ALMS1: variants seen among roughly 807,000 people sequenced by gnomAD.
ALMS1 encodes centrosome-associated protein ALMS1.
A neutral mutation model predicts 352.2 loss-of-function variants in ALMS1; 271 were observed. The ratio of observed to expected loss-of-function variants is 0.77; its 90% CI spans 0.70 to 0.85. ALMS1 has a LOEUF of 0.85. Ranked by LOEUF, ALMS1 falls within the 40% of genes least tolerant of loss-of-function variation. The pLI is 0.00. For synonymous variants in ALMS1, 1,865 were observed against 1,761.2 expected, an observed-to-expected ratio of 1.06 and a Z score of -1.48; for missense variants, 5,445 against 4,870.7, an observed-to-expected ratio of 1.12 and a Z score of -3.51.
intron 6 of ALMS1, among the ~76,000 whole-genome samples, chr2:73,429,504 A>G (rs1221156954): frequency 6.6e-6 from 1 of 152,078 alleles, no homozygotes; most frequent in African/African-American, 2.4e-5. Context: ...GCTAGTCTCG[A>G]ATTCCTGACC....
chr2:73,581,198 T>G (rs919304889), intron 16 of ALMS1, among the ~76,000 whole-genome samples: 1 of 152,236 alleles, frequency 6.6e-6, no homozygotes, highest in Admixed American at 6.5e-5. Context: ...CCTTGAACTG[T>G]TAATTTTTGC....
intron 10 of ALMS1, among the ~76,000 whole-genome samples, chr2:73,514,720 A>C (rs191607981): frequency 5.3e-5 from 8 of 152,268 alleles, no homozygotes; most frequent in Admixed American, 5.2e-4. Context: ...CAGCCTAAAA[A>C]ATTTCCTTTA....
intron 1 of ALMS1, 143 bp from the exon 2 acceptor site, chr2:73,408,479 G>A (rs921534825): frequency 1.0e-6 from 1 of 955,586 alleles, no homozygotes; most frequent in African/African-American, 1.6e-5. Flanking sequence ...ATAATAGCTT[G>A]TATAATGGTT....
chr2:73,408,899 G>A, intron 2 of ALMS1, 152 bp downstream of exon 2: 1 of 707,702 alleles, frequency 1.4e-6, no homozygotes, highest in Non-Finnish European at 2.0e-6. Context: ...TTAAGACAGG[G>A]TCTCACTCTG....
chr2:73,485,414 A>C (rs1038850478), intron 9 of ALMS1, among the ~76,000 whole-genome samples: 1 of 152,208 alleles, frequency 6.6e-6, no homozygotes, highest in Non-Finnish European at 1.5e-5. Context: ...GACCCACTTG[A>C]GGAGGCAGTC....
chr2:73,559,353 T>A (rs891261341), intron 15 of ALMS1, among the ~76,000 whole-genome samples: 1 of 152,034 alleles, frequency 6.6e-6, no homozygotes, highest in Non-Finnish European at 1.5e-5. Context: ...AATTGTTACT[T>A]TTTGGAAAAG....
Position 73,490,507 on chromosome 2 carries a change from C to G in ALMS1, c.8548C>G (p.Pro2850Ala). The stretch of plus-strand genomic sequence containing the variant: ...CCATACCCTTATTAGCATGGGCAGA[C>G]CAAGTTCCACCCTAGGAGTAAACAG... ...DNHTLISMGRPSSTLGVNRSS... is the reference protein window; with the variant it reads ...DNHTLISMGRASSTLGVNRSS... The change falls in exon 10 of 23, where the codon CCA (proline) becomes GCA (alanine). Residue 2850 changes from proline to alanine, a missense_variant. Coordinates refer to ENST00000613296, the MANE Select transcript of ALMS1 (RefSeq NM_001378454.1). 6 of 1,614,140 alleles carry G rather than the reference C, an allele frequency of 3.7e-6. No homozygotes were observed. Among genetic ancestry groups the G allele is most frequent in the Non-Finnish European group, 5.1e-6 (6 of 1,180,018 alleles).
chr2:73,457,759 G>A (rs1029593093), intron 9 of ALMS1, among the ~76,000 whole-genome samples: 27 of 151,810 alleles, frequency 1.8e-4, no homozygotes, highest in African/African-American at 3.9e-4. Flanking sequence ...TTGGCTGGGC[G>A]CGGTGGCTCA....
At chr2:73,396,303 TAC>T (rs757567739) in intron 1 of ALMS1, among the ~76,000 whole-genome samples, 10,690 of 143,450 alleles carry the variant, frequency 0.075, 597 homozygotes, top group African/African-American at 0.16. Context: ...GTCATAGAAA[TAC>T]ACACACACAC....
intron 10 of ALMS1, among the ~76,000 whole-genome samples, chr2:73,492,988 T>G (rs1037965827): frequency 1.3e-5 from 2 of 151,682 alleles, no homozygotes; most frequent in African/African-American, 4.8e-5. Flanking sequence ...AAAAAAAGTT[T>G]AGAAATTAAA....
intron 1 of ALMS1, among the ~76,000 whole-genome samples, chr2:73,406,093 A>G (rs1046082287): frequency 9.8e-5 from 15 of 152,288 alleles, no homozygotes; most frequent in African/African-American, 3.6e-4. Context: ...CATTCTATCC[A>G]TCATGGAAAG....
At chr2:73,517,654 A>C (rs932257880) in intron 10 of ALMS1, among the ~76,000 whole-genome samples, 2 of 149,846 alleles carry the variant, frequency 1.3e-5, no homozygotes, top group African/African-American at 2.5e-5. Context: ...TTTTCATTTT[A>C]TTTTTATTTT....
chr2:73,387,463 A>G lies in ALMS1; in HGVS notation c.324+1271A>G, dbSNP rs577990542. ...TCTTGAGGAGGTTATGATAGAGCTGATATCTGAAGACAGTTTAAGGTTAAT... is the reference window on the plus strand; with the variant it reads ...TCTTGAGGAGGTTATGATAGAGCTGGTATCTGAAGACAGTTTAAGGTTAAT... On this transcript the variant is annotated intron_variant, in intron 1 of 22. Coordinates refer to ENST00000613296, the MANE Select transcript of ALMS1 (RefSeq NM_001378454.1). 2.0e-5 allele frequency among the ~76,000 whole-genome samples: 3 copies of G among 152,338 alleles called. No individual in the cohort carries two copies. In the East Asian group the frequency reaches 5.8e-4, roughly 29 times the overall value.
At chr2:73,549,794 TTGAC>T (rs1255155394) in intron 12 of ALMS1, among the ~76,000 whole-genome samples, 1 of 152,196 alleles carries the variant, frequency 6.6e-6, no homozygotes, top group Non-Finnish European at 1.5e-5. Context: ...CAACTTCAGT[TTGAC>T]TGACGTTTCC....
At position 73,471,406 on chromosome 2, in the gene ALMS1, A is replaced by G. The variant is rs10165747; in HGVS notation, c.7674+16111A>G. On this transcript the variant is annotated intron_variant, in intron 9 of 22. Coordinates refer to ENST00000613296, the MANE Select transcript of ALMS1 (RefSeq NM_001378454.1). ...AGTTAAGAGACTGAACTGGTAATCT[A>G]TGGAATAGGAGAAAATATTTGCAAA... Among the ~76,000 whole-genome samples, 418 of 150,304 alleles carry G rather than the reference A, an allele frequency of 2.8e-3. 3 individuals carry two copies. Among genetic ancestry groups the G allele is most frequent in the African/African-American group, 9.6e-3 (393 of 41,136 alleles).
chr2:73,542,175 G>C (rs561113028), intron 12 of ALMS1, among the ~76,000 whole-genome samples: 4 of 152,232 alleles, frequency 2.6e-5, no homozygotes, highest in Admixed American at 6.5e-5. Flanking sequence ...TCACCATGAT[G>C]AAGTGGGCTT....
chr2:73,396,332 A>ACACACACACACG (rs1670760752), intron 1 of ALMS1, among the ~76,000 whole-genome samples: 1 of 152,034 alleles, frequency 6.6e-6, no homozygotes, highest in Admixed American at 6.6e-5. Context: ...ACACACACAC[A>ACACACACACACG]CACACACGCT....
At chr2:73,443,981 T>C (rs1671763596) in intron 7 of ALMS1, among the ~76,000 whole-genome samples, 2 of 152,204 alleles carry the variant, frequency 1.3e-5, no homozygotes, top group South Asian at 4.1e-4. Context: ...TTGGTGGGTA[T>C]TGGGGTTTAT....
intron 1 of ALMS1, among the ~76,000 whole-genome samples, chr2:73,394,569 C>G (rs577518266): frequency 6.6e-6 from 1 of 152,108 alleles, no homozygotes; most frequent in African/African-American, 2.4e-5. Flanking sequence ...AGGCTGGTCT[C>G]GAACTCCTGA....
Sources: gnomAD v4.1 joint callset for allele counts (sites outside exome capture counted in the v4.1 genomes callset) on GRCh38, gnomAD v4.1.1 for gene constraint, MANE v1.5 for transcripts, NCBI Gene and HGNC (gene_info 2026-07-23, HGNC 2026-07-21) for gene names.